The following KIRREL3 variants were observed in gnomAD, a reference collection of about 807,000 sequenced individuals.
KIRREL3 encodes kirre like nephrin family adhesion molecule 3.
A neutral mutation model predicts 89.7 loss-of-function variants in KIRREL3; 36 were observed. That is an observed-to-expected ratio of 0.40 (90% CI 0.31 to 0.53). The LOEUF is 0.53. Among genes scored for constraint, KIRREL3 ranks in the 20% least tolerant of loss-of-function variants. KIRREL3 has a pLI of 0.49. For missense variants in KIRREL3, 864 were observed against 1,056.6 expected, an observed-to-expected ratio of 0.82 and a Z score of 2.53; for synonymous variants, 445 against 441.4, an observed-to-expected ratio of 1.01 and a Z score of -0.10.
intron 1 of KIRREL3, among the ~76,000 whole-genome samples, chr11:126,630,933 G>A (rs1168325814): frequency 6.6e-6 from 1 of 152,106 alleles, no homozygotes; most frequent in Non-Finnish European, 1.5e-5. Flanking sequence ...CCGAGTCAAG[G>A]CTCCTGACCA....
chr11:126,721,933 T>G (rs989658248), intron 1 of KIRREL3, among the ~76,000 whole-genome samples: 6 of 152,214 alleles, frequency 3.9e-5, no homozygotes, highest in African/African-American at 1.4e-4. Context: ...AGCCTTTTTG[T>G]GTTCCAGAAC....
chr11:126,603,130 G>A (rs1942736073), intron 1 of KIRREL3, among the ~76,000 whole-genome samples: 1 of 152,216 alleles, frequency 6.6e-6, no homozygotes, highest in Non-Finnish European at 1.5e-5. Context: ...TCTGTGGACT[G>A]TTATTTAGAG....
chr11:126,768,833 C>T lies in KIRREL3; in HGVS notation c.56-205921G>A, dbSNP rs562356327. Among the ~76,000 whole-genome samples, 10 of 152,224 alleles carry T rather than the reference C, an allele frequency of 6.6e-5. No individual in the cohort carries two copies. Among genetic ancestry groups the T allele is most frequent in the East Asian group, 1.9e-4 (1 of 5,178 alleles). On this transcript the variant is annotated intron_variant, in intron 1 of 16. Coordinates refer to ENST00000525144, the MANE Select transcript of KIRREL3 (RefSeq NM_032531.4). This position sits in a 1 kb window ranked among gnomAD's most constrained non-coding sequence, Gnocchi z 4.5. ...AGGTATGGCAGGATGTCTGAGCAGT[C>T]GGCGGAGACCAGACATAGAGCTCCA...
chr11:126,935,497 T>C (rs191484853), intron 1 of KIRREL3: 1 of 152,268 alleles, frequency 6.6e-6, no homozygotes, highest in Admixed American at 6.5e-5. Flanking sequence ...AGCAGGTGAA[T>C]GGAAAAATAA....
intron 1 of KIRREL3, among the ~76,000 whole-genome samples, chr11:126,632,747 A>G (rs1294948103): frequency 3.4e-4 from 2 of 5,932 alleles, no homozygotes; most frequent in African/African-American, 1.1e-3. Context: ...ATGTCTCCTC[A>G]TCAATTTTTA....
At chr11:126,930,256 T>C (rs991412162) in intron 1 of KIRREL3, among the ~76,000 whole-genome samples, 1 of 132,810 alleles carries the variant, frequency 7.5e-6, no homozygotes, top group Non-Finnish European at 1.7e-5. Flanking sequence ...TGCTAAACCC[T>C]TGACATGTTA....
At chr11:126,834,163 G>A (rs190359386) in intron 1 of KIRREL3, among the ~76,000 whole-genome samples, 3 of 152,244 alleles carry the variant, frequency 2.0e-5, no homozygotes, top group East Asian at 1.9e-4. Flanking sequence ...TTTGAGGTTC[G>A]CCTCTAGTTC....
rs117183289 is a variant in KIRREL3, at chr11:126,606,774, T to A, written c.56-43862A>T. Reference sequence around the variant, plus strand: ...TGAACTCTGCAGGGGCCTTAAAACATCCCTAAGTGCCATACCTCTACATGC... The same window carrying A: ...TGAACTCTGCAGGGGCCTTAAAACAACCCTAAGTGCCATACCTCTACATGC... On this transcript the variant is annotated intron_variant, in intron 1 of 16. Coordinates refer to ENST00000525144, the MANE Select transcript of KIRREL3 (RefSeq NM_032531.4). The surrounding 1 kb of genome is among the most constrained non-coding windows in gnomAD (Gnocchi z 4.6). Among the ~76,000 whole-genome samples the A allele has an allele frequency of 3.5e-3, 540 of 152,264 alleles. No individual in the cohort carries two copies. The highest frequency in any genetic ancestry group is 6.4e-3 in the Non-Finnish European group (434 of 68,018).
intron 4 of KIRREL3, among the ~76,000 whole-genome samples, chr11:126,478,483 T>C (rs1323153714): frequency 2.0e-5 from 3 of 152,168 alleles, no homozygotes; most frequent in Admixed American, 6.5e-5. Flanking sequence ...GGCTTTGGCT[T>C]CTGAGGTCAG....
intron 4 of KIRREL3, among the ~76,000 whole-genome samples, chr11:126,517,136 A>AAGAGAAAGAGAGAGAGAGAG: frequency 7.1e-6 from 1 of 140,906 alleles, no homozygotes; most frequent in Non-Finnish European, 1.5e-5. Context: ...GAGAGAGAGA[A>AAGAGAAAGAGAGAGAGAGAG]AGAGAGAGAG....
In KIRREL3 at chr11:126,565,039, C is replaced by A. The variant is rs73635328; in HGVS notation, c.56-2127G>T. Among the ~76,000 whole-genome samples, 3,938 of 152,258 alleles carry A rather than the reference C, an allele frequency of 0.026. 162 individuals carry two copies. The highest frequency in any genetic ancestry group is 0.088 in the African/African-American group (3,637 of 41,542). On this transcript the variant is annotated intron_variant, in intron 1 of 16. Coordinates refer to ENST00000525144, the MANE Select transcript of KIRREL3 (RefSeq NM_032531.4). The surrounding 1 kb of genome is among the most constrained non-coding windows in gnomAD (Gnocchi z 5.4). ...CCTAATGAGAAAGGGAGTTTGGGCT[C>A]CTGGACTAAGCCCAAACTCAATCCA...
Position 126,568,692 on chromosome 11 carries a change from T to C in KIRREL3, c.56-5780A>G, listed in dbSNP as rs574203898. On this transcript the variant is annotated intron_variant, in intron 1 of 16. Transcript: ENST00000525144. The surrounding 1 kb of genome is among the most constrained non-coding windows in gnomAD (Gnocchi z 4.6). ...TTTGGTTTCCTCATTTATAAAACGT[T>C]GATTCTAACGGTAAGACCCTCCTCA... Among the ~76,000 whole-genome samples, 165 of 152,264 alleles carry C rather than the reference T, an allele frequency of 1.1e-3. No individual in the cohort carries two copies. Among genetic ancestry groups the C allele is most frequent in the African/African-American group, 3.8e-3 (158 of 41,564 alleles).
chr11:126,745,830 A>T (rs571543360), intron 1 of KIRREL3, among the ~76,000 whole-genome samples: 2 of 152,322 alleles, frequency 1.3e-5, no homozygotes, highest in East Asian at 3.9e-4. Flanking sequence ...CCCAAGGAAA[A>T]GGACATCTGA....
chr11:126,929,545 A>G (rs1347302312), intron 1 of KIRREL3, among the ~76,000 whole-genome samples: 1 of 152,192 alleles, frequency 6.6e-6, no homozygotes, highest in African/African-American at 2.4e-5. Flanking sequence ...ATAAGACACC[A>G]AATACCAAAA....
chr11:126,447,915 C>A (rs1955884818), intron 8 of KIRREL3, among the ~76,000 whole-genome samples: 1 of 152,206 alleles, frequency 6.6e-6, no homozygotes, highest in South Asian at 2.1e-4. Context: ...GCTAAGGATG[C>A]TTGTTTTGAA....
chr11:126,584,281 G>A (rs184146213), intron 1 of KIRREL3, among the ~76,000 whole-genome samples: 215 of 152,270 alleles, frequency 1.4e-3, no homozygotes, highest in Middle Eastern at 3.4e-3. Context: ...GGGCGTTGGC[G>A]TTCCCATCTC....
rs1381663127 is a variant in KIRREL3, at chr11:126,776,952, C to T, written c.56-214040G>A. Among the ~76,000 whole-genome samples the T allele has an allele frequency of 6.6e-6, 1 of 152,102 alleles. No homozygotes were observed. Among genetic ancestry groups the T allele is most frequent in the African/African-American group, 2.4e-5 (1 of 41,408 alleles). On this transcript the variant is annotated intron_variant, in intron 1 of 16. Transcript: ENST00000525144. This position sits in a 1 kb window ranked among gnomAD's most constrained non-coding sequence, Gnocchi z 4.7. ...AGTTTGGATTTGCAATCACAGATGC[C>T]CCATGTGGCTTCTTGAGAGATGTCA...
In KIRREL3 at chr11:126,807,981, C is replaced by A. The variant is rs541205690; in HGVS notation, c.55+192474G>T. The stretch of plus-strand genomic sequence containing the variant: ...GTGCCTGGCATGGTGTTATTTTTCC[C>A]AAATGCACATTTGTGTGAGGCTCAG... On this transcript the variant is annotated intron_variant, in intron 1 of 16. Coordinates refer to ENST00000525144, the MANE Select transcript of KIRREL3 (RefSeq NM_032531.4). The surrounding 1 kb of genome is among the most constrained non-coding windows in gnomAD (Gnocchi z 4.3). Among the ~76,000 whole-genome samples the A allele has an allele frequency of 3.3e-5, 5 of 152,278 alleles. No homozygotes were observed. Among genetic ancestry groups the A allele is most frequent in the African/African-American group, 1.2e-4 (5 of 41,530 alleles).
chr11:126,826,018 G>A (rs138010041), intron 1 of KIRREL3, among the ~76,000 whole-genome samples: 1 of 152,184 alleles, frequency 6.6e-6, no homozygotes, highest in African/African-American at 2.4e-5. Flanking sequence ...AGAATTTGTC[G>A]AGTGCCGGTC....
Sources: allele counts gnomAD v4.1 joint callset (sites outside exome capture counted in the v4.1 genomes callset), GRCh38; gene constraint gnomAD v4.1.1; non-coding constraint Gnocchi (gnomAD v3.1); transcripts MANE v1.5; gene names NCBI Gene and HGNC (gene_info 2026-07-23, HGNC 2026-07-21).